Variants in FAM135A observed in about 807,000 individuals in gnomAD.
The protein encoded by FAM135A is family with sequence similarity 135 member A, also known as protein FAM135A.
In FAM135A, 79 loss-of-function variants were observed where a neutral mutation model predicts 146.8. The ratio of observed to expected loss-of-function variants is 0.54; its 90% CI spans 0.45 to 0.65. The LOEUF is 0.65. FAM135A is among the 30% of genes least tolerant of loss of function. The pLI is 0.00. For synonymous variants in FAM135A, 562 were observed against 603.6 expected (o/e 0.93, Z 1.01); for missense variants, 1,623 against 1,758.2 (o/e 0.92, Z 1.38).
At chr6:70,522,480 A>G (rs2128339627) in intron 12 of FAM135A, 33 bp from the exon 13 acceptor site, 5 of 1,590,732 alleles carry the variant, frequency 3.1e-6, no homozygotes, top group East Asian at 4.5e-5. Flanking sequence ...TAAATACGTC[A>G]TGTTATTAAT....
chr6:70,529,719 A>G (rs1293609393), intron 16 of FAM135A, among the ~76,000 whole-genome samples: 3 of 152,162 alleles, frequency 2.0e-5, no homozygotes, highest in Admixed American at 6.5e-5. Context: ...TCCAATAAAG[A>G]TATCACACCA....
At chr6:70,428,847 C>A (rs1770801244) in intron 4 of FAM135A, among the ~76,000 whole-genome samples, 1 of 152,160 alleles carries the variant, frequency 6.6e-6, no homozygotes, top group South Asian at 2.1e-4. Flanking sequence ...TTAACTATTA[C>A]ACTGTGACAT....
chr6:70,523,651 G>C (rs1180040642), intron 13 of FAM135A, among the ~76,000 whole-genome samples: 1 of 152,080 alleles, frequency 6.6e-6, no homozygotes, highest in Non-Finnish European at 1.5e-5. Context: ...TATGTGATTT[G>C]CAGCAGATTT....
At chr6:70,452,634 G>A in intron 5 of FAM135A, 63 bp downstream of exon 5, 2 of 1,238,062 alleles carry the variant, frequency 1.6e-6, no homozygotes, top group Non-Finnish European at 2.2e-6. Context: ...TTTTAATAAA[G>A]TTTTTTCATT....
Position 70,528,239 on chromosome 6 carries a change from C to G in FAM135A, c.3615-53C>G, listed in dbSNP as rs1210434180. ...ACAATTCTCTAAATTCAGGAGGGTT[C>G]TAACAACTGAATATGATCCTTAGTA... On this transcript the variant is annotated intron_variant, in intron 15 of 21. Coordinates refer to ENST00000418814, the MANE Select transcript of FAM135A (RefSeq NM_001162529.3). 4.0e-6 allele frequency: 6 copies of G among 1,512,424 alleles called. No individual in the cohort carries two copies. The South Asian group carries it at 6.9e-5, about 17-fold the overall frequency. The allele number at this position is 1,512,424 out of a possible 1,614,324, so 93.7% of individuals were successfully genotyped here.
chr6:70,534,363 A>G (rs1796411401), intron 18 of FAM135A, among the ~76,000 whole-genome samples: 1 of 123,770 alleles, frequency 8.1e-6, no homozygotes, highest in Admixed American at 1.0e-4. Flanking sequence ...TCAGTCACCC[A>G]GGCTAGAGAG....
intron 11 of FAM135A, 55 bp from the exon 12 acceptor site, chr6:70,502,581 A>G: frequency 1.3e-6 from 2 of 1,536,436 alleles, no homozygotes. Flanking sequence ...ATTATATTTA[A>G]GTATGTTACA....
At chr6:70,435,795 GA>G (rs1362684194) in intron 4 of FAM135A, among the ~76,000 whole-genome samples, 2 of 152,200 alleles carry the variant, frequency 1.3e-5, no homozygotes, top group Non-Finnish European at 2.9e-5. Flanking sequence ...CTAAGAGTCA[GA>G]AATTCAGCTG....
At chr6:70,442,273 G>C (rs59698166) in intron 4 of FAM135A, among the ~76,000 whole-genome samples, 1 of 135,060 alleles carries the variant, frequency 7.4e-6, no homozygotes. Flanking sequence ...GATATATCCC[G>C]TGAGGAATAG....
At chr6:70,476,027 A>G (rs973839683) in intron 7 of FAM135A, among the ~76,000 whole-genome samples, 2 of 152,204 alleles carry the variant, frequency 1.3e-5, no homozygotes, top group Admixed American at 1.3e-4. Context: ...TTAAATGTAA[A>G]TGAGCTCTTT....
At chr6:70,507,903 T>C (rs1397014991) in intron 12 of FAM135A, among the ~76,000 whole-genome samples, 3 of 152,132 alleles carry the variant, frequency 2.0e-5, no homozygotes, top group African/African-American at 7.2e-5. Flanking sequence ...ATTTTATGTG[T>C]CAAGAACTGT....
At chr6:70,523,855 C>A in intron 13 of FAM135A, 112 bp from the exon 14 acceptor site, 1 of 1,033,422 alleles carries the variant, frequency 9.7e-7, no homozygotes, top group Non-Finnish European at 1.4e-6. Context: ...AAGGTTATGT[C>A]TTGCAGATGA....
rs539503387 is a variant in FAM135A at position 70,496,406 on chromosome 6, C to G, written c.873+5323C>G. Among the ~76,000 whole-genome samples, 5 of 152,146 alleles carry G rather than the reference C, an allele frequency of 3.3e-5. No homozygotes were observed. The South Asian group carries it at 8.3e-4, about 25-fold the overall frequency. ...TCCTTGTAGATTCTAGATATTAGCC[C>G]TTTGTCAGATGGATAGATTGCAAAA... On this transcript the variant is annotated intron_variant, in intron 11 of 21. Transcript: ENST00000418814.
Position 70,526,227 on chromosome 6 carries a change from G to C in FAM135A, c.3143G>C (p.Ser1048Thr), listed in dbSNP as rs750828801. Residue 1048 changes from serine to threonine, a missense_variant, in exon 15 of 22, where the codon AGT becomes ACT. This residue lies in a region of FAM135A where 1,061 missense variants were observed against 1,113.8 expected (regional missense o/e 0.95). Transcript: ENST00000418814. ...GAAAATTATTTTGGTTCTCAAAGCA[G>C]TACGGATATTTCTGACACATGTGCT... is the stretch of plus-strand genomic sequence containing the variant. ...LVENYFGSQSSTDISDTCAVS... is the reference protein window; with the variant it reads ...LVENYFGSQSTTDISDTCAVS... 6.2e-6 allele frequency: 10 copies of C among 1,613,434 alleles called. No homozygotes were observed. The highest frequency in any genetic ancestry group is 1.6e-4 in the Middle Eastern group (1 of 6,084).
At chr6:70,503,560 C>G (rs1054853144) in intron 12 of FAM135A, 8 of 152,102 alleles carry the variant, frequency 5.3e-5, no homozygotes, top group Admixed American at 3.9e-4. Context: ...AAGTAGAACA[C>G]TCTCAATGCT....
chr6:70,435,353 C>G (rs867468328), intron 4 of FAM135A, among the ~76,000 whole-genome samples: 2 of 151,994 alleles, frequency 1.3e-5, no homozygotes, highest in Admixed American at 6.6e-5. Context: ...GATCCGCCCT[C>G]CTCGGCCTCC....
At chr6:70,454,211 A>G (rs1322246604) in intron 5 of FAM135A, among the ~76,000 whole-genome samples, 4 of 152,152 alleles carry the variant, frequency 2.6e-5, no homozygotes, top group African/African-American at 9.6e-5. Context: ...CTTCTTTTGA[A>G]AAGTGTCTGT....
chr6:70,469,824 G>C (rs1428265972), intron 5 of FAM135A, among the ~76,000 whole-genome samples: 1 of 152,028 alleles, frequency 6.6e-6, no homozygotes, highest in Non-Finnish European at 1.5e-5. Flanking sequence ...AGTGTATCAA[G>C]AATGAGAGGA....
intron 15 of FAM135A, among the ~76,000 whole-genome samples, chr6:70,527,498 A>G (rs967301424): frequency 6.6e-6 from 1 of 152,150 alleles, no homozygotes; most frequent in African/African-American, 2.4e-5. Flanking sequence ...ATATGCAGGG[A>G]AAATAAAGTT....
Sources: gnomAD v4.1 joint callset for allele counts (sites outside exome capture counted in the v4.1 genomes callset) on GRCh38, gnomAD v4.1.1 for gene constraint, gnomAD v4.1.1 regional missense constraint, MANE v1.5 for transcripts, NCBI Gene and HGNC (gene_info 2026-07-23, HGNC 2026-07-21) for gene names.